The following FNDC3B variants were observed in gnomAD, a reference collection of about 807,000 sequenced individuals.
FNDC3B encodes fibronectin type III domain containing 3B, also known as fibronectin type III domain-containing protein 3B.
In FNDC3B, 12 loss-of-function variants were observed where a neutral mutation model predicts 151.5. The observed-to-expected ratio is 0.08, with a 90% CI of 0.05 to 0.13. The LOEUF is 0.13. FNDC3B is among the 10% of genes least tolerant of loss of function. The pLI, the probability that FNDC3B is intolerant of heterozygous loss-of-function variation, is 1.00. For synonymous variants in FNDC3B, 528 were observed against 549.0 expected, an observed-to-expected ratio of 0.96 and a Z score of 0.54; for missense variants, 1,214 against 1,505.3, an observed-to-expected ratio of 0.81 and a Z score of 3.20.
intron 3 of FNDC3B, among the ~76,000 whole-genome samples, chr3:172,191,744 A>G (rs912612285): frequency 2.0e-5 from 3 of 152,150 alleles, no homozygotes; most frequent in South Asian, 4.1e-4. Context: ...TGATCCTCCC[A>G]TAGTGCTGAG....
At chr3:172,222,792 G>A (rs1161190612) in intron 3 of FNDC3B, among the ~76,000 whole-genome samples, 1 of 152,208 alleles carries the variant, frequency 6.6e-6, no homozygotes, top group Non-Finnish European at 1.5e-5. Flanking sequence ...AACCAATAGT[G>A]GTCCGTGGCC....
At chr3:172,152,728 G>A (rs1251911751) in intron 3 of FNDC3B, among the ~76,000 whole-genome samples, 1 of 151,874 alleles carries the variant, frequency 6.6e-6, no homozygotes, top group Non-Finnish European at 1.5e-5. Context: ...TCTTTTCACG[G>A]GACCCCTGTT....
rs114038580 is a variant in FNDC3B at position 172,172,120 on chromosome 3, C to T, written c.187+38574C>T. On this transcript the variant is annotated intron_variant, in intron 3 of 25. Coordinates refer to ENST00000415807, the MANE Select transcript of FNDC3B (RefSeq NM_022763.4). Reference sequence around the variant, plus strand: ...TATCAGCATTCAGACACCCAAACACCGAAATCATTTAGCAGCTCTTACTGC... The same window carrying T: ...TATCAGCATTCAGACACCCAAACACTGAAATCATTTAGCAGCTCTTACTGC... Among the ~76,000 whole-genome samples the T allele has an allele frequency of 8.2e-3, 1,245 of 152,194 alleles. 19 individuals carry two copies. The highest frequency in any genetic ancestry group is 0.029 in the African/African-American group (1,186 of 41,512).
intron 1 of FNDC3B, among the ~76,000 whole-genome samples, chr3:172,060,390 C>T (rs1287183694): frequency 6.6e-6 from 1 of 151,984 alleles, no homozygotes; most frequent in African/African-American, 2.4e-5. Flanking sequence ...TGGCCCCACA[C>T]CAGGCTTTTC....
At chr3:172,210,811 T>G (rs1725697105) in intron 3 of FNDC3B, among the ~76,000 whole-genome samples, 1 of 152,220 alleles carries the variant, frequency 6.6e-6, no homozygotes, top group African/African-American at 2.4e-5. Context: ...CTGGCTCAAG[T>G]GAGAGAATTA....
At chr3:172,328,900 C>CTGT in intron 11 of FNDC3B, 52 bp from the exon 12 acceptor site, 2 of 1,268,390 alleles carry the variant, frequency 1.6e-6, no homozygotes, top group Non-Finnish European at 2.2e-6. Context: ...TTAGGGTTAT[C>CTGT]TGTTGTTTTT....
At chr3:172,324,634 A>C (rs949397393) in intron 11 of FNDC3B, among the ~76,000 whole-genome samples, 1 of 152,240 alleles carries the variant, frequency 6.6e-6, no homozygotes. Context: ...GGCATGCCCA[A>C]GGTTGCAAAA....
At chr3:172,369,010 C>CA (rs1016774531) in intron 23 of FNDC3B, among the ~76,000 whole-genome samples, 26 of 151,272 alleles carry the variant, frequency 1.7e-4, no homozygotes, top group Admixed American at 2.6e-4. Context: ...GACTCCATCT[C>CA]AAAAAAAAGA....
At chr3:172,395,074 A>G (rs186727990) in intron 25 of FNDC3B, among the ~76,000 whole-genome samples, 10 of 152,284 alleles carry the variant, frequency 6.6e-5, no homozygotes, top group African/African-American at 2.2e-4. Context: ...CTAAATAGCA[A>G]TAATAATAAT....
intron 1 of FNDC3B, among the ~76,000 whole-genome samples, chr3:172,087,188 T>G (rs1464439401): frequency 2.0e-5 from 3 of 152,264 alleles, no homozygotes; most frequent in Non-Finnish European, 4.4e-5. Flanking sequence ...ATTTCCTATT[T>G]TTAGGTAATG....
intron 1 of FNDC3B, among the ~76,000 whole-genome samples, chr3:172,109,252 G>A (rs1364284800): frequency 4.1e-5 from 6 of 144,736 alleles, no homozygotes; most frequent in South Asian, 4.4e-4. Flanking sequence ...TGCAAGCTCC[G>A]CCTCCCGGGT....
At position 172,112,386 on chromosome 3, in the gene FNDC3B, CTTG is replaced by C. The variant is rs548885126; in HGVS notation, c.-28-61_-28-59del. ...ATGGAGCACTTAGATTGTTATGTGA[CTTG>C]TTGTGTTACAGGTGATTTTTGTGGT... On this transcript the variant is annotated intron_variant, in intron 1 of 25. Coordinates refer to ENST00000415807, the MANE Select transcript of FNDC3B (RefSeq NM_022763.4). The C allele has an allele frequency of 6.5e-3, 5,230 of 807,972 alleles. 39 individuals are homozygous for C. Among genetic ancestry groups the C allele is most frequent in the Non-Finnish European group, 9.9e-3 (4,504 of 454,184 alleles). 50.1% of individuals were successfully genotyped at this position (807,972 alleles called of 1,614,324 possible).
At chr3:172,068,315 C>T (rs1367787538) in intron 1 of FNDC3B, among the ~76,000 whole-genome samples, 1 of 152,096 alleles carries the variant, frequency 6.6e-6, no homozygotes, top group African/African-American at 2.4e-5. Context: ...GACCATGGCT[C>T]CCACTTTCAA....
At chr3:172,176,555 A>T (rs1350463596) in intron 3 of FNDC3B, among the ~76,000 whole-genome samples, 1 of 152,166 alleles carries the variant, frequency 6.6e-6, no homozygotes, top group Admixed American at 6.5e-5. Context: ...AGGAAGAGGA[A>T]GGGGTGGGCA....
chr3:172,332,732 C>T (rs1732742665), intron 13 of FNDC3B, among the ~76,000 whole-genome samples: 1 of 152,238 alleles, frequency 6.6e-6, no homozygotes. Flanking sequence ...AGCTCAGCCA[C>T]ACTTTACTGC....
intron 19 of FNDC3B, among the ~76,000 whole-genome samples, chr3:172,345,157 G>A (rs1045118753): frequency 2.6e-4 from 40 of 152,324 alleles, no homozygotes; most frequent in African/African-American, 9.4e-4. Context: ...CTTAGGCAGA[G>A]TGCCCAAAAC....
At chr3:172,368,522 A>G (rs759346693) in intron 23 of FNDC3B, among the ~76,000 whole-genome samples, 1 of 152,168 alleles carries the variant, frequency 6.6e-6, no homozygotes. Context: ...ACATTTTCAT[A>G]TGACATCCAC....
intron 3 of FNDC3B, among the ~76,000 whole-genome samples, chr3:172,167,682 G>T (rs1449271657): frequency 1.3e-5 from 2 of 152,188 alleles, no homozygotes; most frequent in African/African-American, 4.8e-5. Context: ...TTAGGAACCA[G>T]GCCACACAGC....
chr3:172,233,969 T>G (rs1040836678), intron 4 of FNDC3B, among the ~76,000 whole-genome samples: 2 of 152,206 alleles, frequency 1.3e-5, no homozygotes, highest in African/African-American at 4.8e-5. Flanking sequence ...TTTTATCTTG[T>G]GGCTTATTTT....
Sources: gnomAD v4.1 joint callset for allele counts (sites outside exome capture counted in the v4.1 genomes callset) on GRCh38, gnomAD v4.1.1 for gene constraint, MANE v1.5 for transcripts, NCBI Gene and HGNC (gene_info 2026-07-23, HGNC 2026-07-21) for gene names.